Variants in SCYL3 observed in about 807,000 individuals in gnomAD.
SCYL3 encodes protein-associating with the carboxyl-terminal domain of ezrin.
In SCYL3, 35 loss-of-function variants were observed where a neutral mutation model predicts 73.8. The observed-to-expected ratio is 0.47, with a 90% confidence interval of 0.36 to 0.63. The LOEUF is 0.63. Among genes scored for constraint, SCYL3 ranks in the 20% least tolerant of loss-of-function variants. The probability of loss-of-function intolerance (pLI) is 0.00; values close to 1 mark genes in which losing one functional copy is unlikely to be tolerated. For missense variants in SCYL3, 712 were observed against 798.9 expected (o/e 0.89, Z 1.31); for synonymous variants, 277 against 295.2 (o/e 0.94, Z 0.63).
rs575284885 is a variant in SCYL3, at chr1:169,854,602, T to A, written c.1675A>T (p.Met559Leu). The A allele has an allele frequency of 6.2e-7, 1 of 1,614,036 alleles. No homozygotes were observed. Among genetic ancestry groups the A allele is most frequent in the South Asian group, 1.1e-5 (1 of 91,080 alleles). ...TGGGGTAAGCTTGATTTCCAAGGCA[T>A]AGACTCTTCAGTGAGTGAAAGCAAA... Reference protein sequence around the residue: ...PALLSLTEESMPWKSSLPQKI... With the variant: ...PALLSLTEESLPWKSSLPQKI... The change falls in exon 12 of 13, where the codon ATG (methionine) becomes TTG (leucine). Residue 559 changes from methionine (M) to leucine (L), a missense_variant. Around this residue, in one of 2 missense-constraint regions of SCYL3, gnomAD observed 370 missense variants for 350.8 expected, o/e 1.05. Transcript: ENST00000367771.
In SCYL3 at chr1:169,851,858, T is replaced by A. The variant is rs116769474; in HGVS notation, c.*1855A>T. The A allele has an allele frequency of 9.6e-3, 15,438 of 1,614,066 alleles. 93 individuals carry two copies. The highest frequency in any genetic ancestry group is 0.012 in the Non-Finnish European group (13,588 of 1,179,966). On this transcript the variant is annotated 3_prime_UTR_variant, in exon 13 of 13. Coordinates refer to ENST00000367771, the MANE Select transcript of SCYL3 (RefSeq NM_020423.7). ...AAACTGAAGCTGCCAAAGTGGAACGTGTGAAACAGGAAAAAGGTATTTTCT... is the reference window on the plus strand; with the variant it reads ...AAACTGAAGCTGCCAAAGTGGAACGAGTGAAACAGGAAAAAGGTATTTTCT...
Position 169,853,603 on chromosome 1 carries a change from G to C in SCYL3, c.*110C>G. On this transcript the variant is annotated 3_prime_UTR_variant, in exon 13 of 13. Transcript: ENST00000367771. ...GACTGGATAATGAGCTCCTGGGATG[G>C]GAAAAGCAGGCCACTTTGGGGTTTT... The C allele has an allele frequency of 8.7e-7, 1 of 1,147,536 alleles. No individual in the cohort carries two copies. The highest frequency in any genetic ancestry group is 1.4e-5 in the South Asian group (1 of 73,534). 71.1% of individuals were successfully genotyped at this position (1,147,536 alleles called of 1,614,324 possible).
At chr1:169,875,892 C>CA (rs1660762434) in intron 4 of SCYL3, 86 bp downstream of exon 4, 1 of 697,290 alleles carries the variant, frequency 1.4e-6, no homozygotes, top group African/African-American at 1.9e-5. Context: ...ACCAAGCTAA[C>CA]ACTGAAGGAA....
At position 169,850,523 on chromosome 1, in the gene SCYL3, C is replaced by T. The variant is rs1288993214; in HGVS notation, c.*3190G>A. 11 of 520,932 alleles carry T rather than the reference C, an allele frequency of 2.1e-5. No individual in the cohort carries two copies. Among genetic ancestry groups the T allele is most frequent in the Admixed American group, 1.3e-4 (4 of 31,326 alleles). 32.3% of individuals were successfully genotyped at this position (520,932 alleles called of 1,614,324 possible). ...CAGAAGTAAAACACTTGGGGCCAGGCGCGGCGGCTCATGCCTGTAATCCCA... is the reference window on the plus strand; with the variant it reads ...CAGAAGTAAAACACTTGGGGCCAGGTGCGGCGGCTCATGCCTGTAATCCCA... On this transcript the variant is annotated 3_prime_UTR_variant, in exon 13 of 13. Transcript: ENST00000367771.
Position 169,870,376 on chromosome 1 carries a change from A to G in SCYL3, c.523-19T>C. 6.5e-7 allele frequency: 1 copy of G among 1,541,688 alleles called. No individual in the cohort carries two copies. The highest frequency in any genetic ancestry group is 9.0e-7 in the Non-Finnish European group (1 of 1,116,456). The stretch of plus-strand genomic sequence containing the variant: ...CTGGAGACTAAAAGCAGTGAAGACA[A>G]TTAAAACTAGAGGATCTGCCTTATA... On this transcript the variant is annotated intron_variant, in intron 5 of 12. Coordinates refer to ENST00000367771, the MANE Select transcript of SCYL3 (RefSeq NM_020423.7).
At chr1:169,871,667 G>C (rs1386248885) in intron 5 of SCYL3, among the ~76,000 whole-genome samples, 1 of 152,148 alleles carries the variant, frequency 6.6e-6, no homozygotes, top group Non-Finnish European at 1.5e-5. Flanking sequence ...GAATTTCCTA[G>C]AGACTTGTTG....
At chr1:169,884,639 T>A (rs1370814237) in intron 2 of SCYL3, among the ~76,000 whole-genome samples, 2 of 152,242 alleles carry the variant, frequency 1.3e-5, no homozygotes, top group African/African-American at 4.8e-5. Flanking sequence ...TAAAATTATG[T>A]AGCCTCCCTC....
chr1:169,854,219 T>C (rs778884076), intron 12 of SCYL3, 51 bp downstream of exon 12: 21 of 1,396,150 alleles, frequency 1.5e-5, no homozygotes, highest in Non-Finnish European at 1.9e-5. Flanking sequence ...CTAGGACCTA[T>C]GAGGGAAATC....
chr1:169,853,969 T>G, intron 12 of SCYL3, 197 bp from the exon 13 acceptor site: 3 of 642,184 alleles, frequency 4.7e-6, no homozygotes, highest in Non-Finnish European at 5.2e-6. Context: ...GAAAATAGCT[T>G]TTCAAAAACC....
Position 169,854,385 on chromosome 1 carries a change from G to T in SCYL3, c.1892C>A (p.Pro631His), listed in dbSNP as rs920500419. The change falls in exon 12 of 13, where the codon CCT (proline) becomes CAT (histidine). Residue 631 changes from proline (P) to histidine (H), a missense_variant. Coordinates refer to ENST00000367771, the MANE Select transcript of SCYL3 (RefSeq NM_020423.7). ...WFADMIPEIK[P>H]SAAFLILPEL... Reference sequence around the variant, plus strand: ...AGGTAATATAAGAAAAGCAGCAGAAGGCTTAATTTCTGGGATCATATCAGC... The same window carrying T: ...AGGTAATATAAGAAAAGCAGCAGAATGCTTAATTTCTGGGATCATATCAGC... 2 of 1,614,048 alleles carry T rather than the reference G, an allele frequency of 1.2e-6. No individual in the cohort carries two copies. Among genetic ancestry groups the T allele is most frequent in the African/African-American group, 2.7e-5 (2 of 75,030 alleles).
intron 2 of SCYL3, among the ~76,000 whole-genome samples, chr1:169,887,054 C>T (rs1447119074): frequency 1.3e-5 from 2 of 152,110 alleles, no homozygotes; most frequent in African/African-American, 4.8e-5. Flanking sequence ...ACATCGAATG[C>T]CATACATTTC....
At chr1:169,891,646 A>G (rs1662095025) in intron 1 of SCYL3, among the ~76,000 whole-genome samples, 1 of 152,236 alleles carries the variant, frequency 6.6e-6, no homozygotes, top group Non-Finnish European at 1.5e-5. Flanking sequence ...GGGACTGTAT[A>G]TTAATGAATA....
At chr1:169,855,844 T>C in intron 11 of SCYL3, 1 of 1,613,916 alleles carries the variant, frequency 6.2e-7, no homozygotes, top group Non-Finnish European at 8.5e-7. Flanking sequence ...TGCTTCTTGC[T>C]GTTGATGGGC....
chr1:169,889,003 G>A (rs540183382), intron 1 of SCYL3, 113 bp from the exon 2 acceptor site: 2 of 517,888 alleles, frequency 3.9e-6, no homozygotes, highest in East Asian at 6.4e-5. Flanking sequence ...CTCATAACTA[G>A]GACATTTGAC....
rs146634619 is a variant in SCYL3 at position 169,861,849 on chromosome 1, G to C, written c.1140+764C>G. ...TGACCTTTAGATGAGGTCATACTGG[G>C]TTAGGGTAGGCCATAAATTCAATGA... is the stretch of plus-strand genomic sequence containing the variant. On this transcript the variant is annotated intron_variant, in intron 10 of 12. Transcript: ENST00000367771. Among the ~76,000 whole-genome samples the C allele has an allele frequency of 7.2e-4, 110 of 152,262 alleles. 1 individual carries two copies. The East Asian group carries it at 0.01, about 14-fold the overall frequency.
intron 2 of SCYL3, among the ~76,000 whole-genome samples, chr1:169,886,102 A>G (rs1661665723): frequency 6.6e-6 from 1 of 152,180 alleles, no homozygotes; most frequent in African/African-American, 2.4e-5. Flanking sequence ...CACGAGGTCG[A>G]GAGGTAGAGG....
At chr1:169,872,073 C>T (rs1180880592) in intron 5 of SCYL3, among the ~76,000 whole-genome samples, 2 of 152,314 alleles carry the variant, frequency 1.3e-5, no homozygotes, top group South Asian at 2.1e-4. Context: ...ATGTTAATCC[C>T]CAAGAAAATG....
At chr1:169,861,970 C>T (rs1205928435) in intron 10 of SCYL3, among the ~76,000 whole-genome samples, 2 of 152,168 alleles carry the variant, frequency 1.3e-5, no homozygotes, top group Non-Finnish European at 2.9e-5. Flanking sequence ...AGCCACAAGC[C>T]AAGAAATACC....
At position 169,882,494 on chromosome 1, in the gene SCYL3, G is replaced by A. The variant is rs546019663; in HGVS notation, c.166-3675C>T. ...GACCACCCAAAGGGCTGAGGAGTGC[G>A]GGCACATGGCGTGGGACTGGCAGGC... On this transcript the variant is annotated intron_variant, in intron 2 of 12. Coordinates refer to ENST00000367771, the MANE Select transcript of SCYL3 (RefSeq NM_020423.7). Among the ~76,000 whole-genome samples the A allele has an allele frequency of 6.1e-4, 93 of 152,312 alleles. 1 individual carries two copies. In the East Asian group the frequency reaches 0.014, roughly 23 times the overall value.
Sources: gnomAD v4.1 joint callset for allele counts (sites outside exome capture counted in the v4.1 genomes callset) on GRCh38, gnomAD v4.1.1 for gene constraint, gnomAD v4.1.1 regional missense constraint, MANE v1.5 for transcripts, NCBI Gene and HGNC (gene_info 2026-07-23, HGNC 2026-07-21) for gene names.